SLC27A6: variants seen among roughly 807,000 people sequenced by gnomAD.
The protein encoded by SLC27A6 is solute carrier family 27 member 6.
SLC27A6 carries 74 observed loss-of-function variants against 63.9 expected under a neutral mutation model. The ratio of observed to expected loss-of-function variants is 1.16; its 90% CI spans 0.96 to 1.40. The LOEUF (loss-of-function observed/expected upper bound fraction) is 1.40, where lower values mean the gene tolerates loss of function less well. Among genes scored for constraint, SLC27A6 ranks in the 40% most tolerant of loss-of-function variants. SLC27A6 has a pLI of 0.00. For missense variants in SLC27A6, 794 were observed against 732.9 expected, an observed-to-expected ratio of 1.08 and a Z score of -0.96; for synonymous variants, 287 against 260.8, an observed-to-expected ratio of 1.10 and a Z score of -0.97.
intron 4 of SLC27A6, among the ~76,000 whole-genome samples, chr5:129,006,825 G>T (rs1416229264): frequency 6.6e-6 from 1 of 152,138 alleles, no homozygotes; most frequent in East Asian, 1.9e-4. Context: ...TTTTGTGTAT[G>T]TGTGCTTACT....
chr5:128,978,732 A>G (rs1750475955), intron 1 of SLC27A6, among the ~76,000 whole-genome samples: 1 of 152,244 alleles, frequency 6.6e-6, no homozygotes, highest in Non-Finnish European at 1.5e-5. Context: ...ATTTGAAGCT[A>G]CATGGAAATG....
intron 5 of SLC27A6, among the ~76,000 whole-genome samples, chr5:129,020,761 A>T (rs1408290475): frequency 6.6e-6 from 1 of 152,098 alleles, no homozygotes; most frequent in Non-Finnish European, 1.5e-5. Flanking sequence ...CAATTTCAGG[A>T]GTCCCAAAGA....
At chr5:129,014,204 T>G (rs1053920527) in intron 4 of SLC27A6, among the ~76,000 whole-genome samples, 6 of 152,170 alleles carry the variant, frequency 3.9e-5, no homozygotes, top group Non-Finnish European at 7.4e-5. Flanking sequence ...AATTACATAA[T>G]AGAGATGCAT....
At chr5:129,003,000 GT>G (rs1407010450) in intron 4 of SLC27A6, among the ~76,000 whole-genome samples, 1 of 152,096 alleles carries the variant, frequency 6.6e-6, no homozygotes, top group East Asian at 1.9e-4. Flanking sequence ...TTATTTCTAT[GT>G]GCACCCGAGT....
At chr5:128,989,983 T>C (rs1750921091) in intron 3 of SLC27A6, among the ~76,000 whole-genome samples, 1 of 151,770 alleles carries the variant, frequency 6.6e-6, no homozygotes, top group South Asian at 2.1e-4. Context: ...GAATAATATG[T>C]ATATATTCCA....
chr5:128,988,478 G>T, intron 2 of SLC27A6, 122 bp from the exon 3 acceptor site: 1 of 706,060 alleles, frequency 1.4e-6, no homozygotes, highest in Non-Finnish European at 2.3e-6. Context: ...TCAATTGCTA[G>T]TGTAGTTGTT....
intron 1 of SLC27A6, among the ~76,000 whole-genome samples, chr5:128,970,023 A>T (rs1329496005): frequency 6.6e-6 from 1 of 152,008 alleles, no homozygotes; most frequent in Non-Finnish European, 1.5e-5. Flanking sequence ...TGAGATAATC[A>T]TGTGGTTTTT....
At chr5:129,006,819 G>T (rs943304183) in intron 4 of SLC27A6, among the ~76,000 whole-genome samples, 3 of 152,054 alleles carry the variant, frequency 2.0e-5, no homozygotes, top group Admixed American at 2.0e-4. Context: ...AAAGTATTTT[G>T]TGTATGTGTG....
intron 4 of SLC27A6, among the ~76,000 whole-genome samples, chr5:129,014,200 A>G (rs1028307450): frequency 4.6e-5 from 7 of 152,230 alleles, no homozygotes; most frequent in Non-Finnish European, 8.8e-5. Flanking sequence ...TAAAAATTAC[A>G]TAATAGAGAT....
chr5:129,016,067 T>C lies in SLC27A6; in HGVS notation c.1152T>C (p.Asn384=), dbSNP rs1751881374. 2.5e-6 allele frequency: 4 copies of C among 1,591,192 alleles called. No homozygotes were observed. Among genetic ancestry groups the C allele is most frequent in the Non-Finnish European group, 3.4e-6 (4 of 1,173,230 alleles). The change falls in exon 5 of 10, where the codon AAT becomes AAC. Residue 384 remains asparagine (N), a synonymous_variant. Transcript: ENST00000262462. The part of the protein sequence containing the change: ...TGRIGAIGRT[N]LFYKLLSTFD... ...GAATTGGAGCAATTGGGAGAACAAA[T>C]TTGTTTTACAAAGTAAGTACAGCAT...
intron 1 of SLC27A6, among the ~76,000 whole-genome samples, chr5:128,977,250 G>C (rs763579979): frequency 9.2e-5 from 14 of 152,276 alleles, no homozygotes; most frequent in Admixed American, 1.3e-4. Flanking sequence ...TGAAAATTTA[G>C]CAGTGAACAA....
At chr5:128,970,694 C>T (rs200866791) in intron 1 of SLC27A6, among the ~76,000 whole-genome samples, 4 of 151,712 alleles carry the variant, frequency 2.6e-5, no homozygotes, top group East Asian at 1.9e-4. Context: ...TTTTGTTGAT[C>T]GTTTCAGAAA....
intron 9 of SLC27A6, among the ~76,000 whole-genome samples, chr5:129,032,815 G>T (rs1441923519): frequency 6.6e-6 from 1 of 151,836 alleles, no homozygotes. Context: ...TATTGGCATT[G>T]AATTGAAGAG....
At chr5:129,031,726 T>C (rs1752421455) in intron 9 of SLC27A6, among the ~76,000 whole-genome samples, 1 of 152,046 alleles carries the variant, frequency 6.6e-6, no homozygotes, top group African/African-American at 2.4e-5. Flanking sequence ...ATTTTCTAAG[T>C]TCAATTTTGA....
In SLC27A6 at chr5:128,966,239, G is replaced by T; in HGVS notation, c.102G>T (p.Val34=). Residue 34 remains valine (V), a synonymous_variant, in exon 1 of 10, where the codon GTG becomes GTT. Coordinates refer to ENST00000262462, the MANE Select transcript of SLC27A6 (RefSeq NM_001017372.3). ...ACTTTTGGGATGACTTCTGGTTCGT[G>T]TTGAAGGTGGTGCTCATTATAATTC... ...FPYFWDDFWF[V]LKVVLIIIRL... The T allele has an allele frequency of 6.2e-7, 1 of 1,613,600 alleles. No homozygotes were observed. The highest frequency in any genetic ancestry group is 1.1e-5 in the South Asian group (1 of 91,018).
chr5:128,967,243 C>G (rs922419603), intron 1 of SLC27A6, among the ~76,000 whole-genome samples: 2 of 152,136 alleles, frequency 1.3e-5, no homozygotes, highest in African/African-American at 2.4e-5. Flanking sequence ...TCCTCCTCCC[C>G]CTGCCTTGGA....
intron 4 of SLC27A6, among the ~76,000 whole-genome samples, chr5:128,993,634 G>T (rs1212246944): frequency 6.6e-6 from 1 of 151,880 alleles, no homozygotes; most frequent in Admixed American, 6.6e-5. Context: ...GGTATTAATA[G>T]TTTTTCATAT....
rs772814922 is a variant in SLC27A6 at position 129,029,564 on chromosome 5, A to G, written c.1553-13A>G. On this transcript the variant is annotated splice_polypyrimidine_tract_variant and intron_variant, in intron 8 of 9. Coordinates refer to ENST00000262462, the MANE Select transcript of SLC27A6 (RefSeq NM_001017372.3). ...GGTACTTAAAAATGACTCTATTTCAAACTTTTTTTCAGGTTATGAAGGAAG... is the reference window on the plus strand; with the variant it reads ...GGTACTTAAAAATGACTCTATTTCAGACTTTTTTTCAGGTTATGAAGGAAG... The G allele has an allele frequency of 1.3e-6, 2 of 1,547,410 alleles. No homozygotes were observed. The highest frequency in any genetic ancestry group is 8.7e-7 in the Non-Finnish European group (1 of 1,146,852).
intron 4 of SLC27A6, among the ~76,000 whole-genome samples, chr5:129,010,737 T>C (rs548235863): frequency 6.6e-6 from 1 of 151,914 alleles, no homozygotes; most frequent in South Asian, 2.1e-4. Flanking sequence ...AGCAGATACT[T>C]CCAAGAGTCT....
Sources: gnomAD v4.1 joint callset for allele counts (sites outside exome capture counted in the v4.1 genomes callset) on GRCh38, gnomAD v4.1.1 for gene constraint, MANE v1.5 for transcripts, NCBI Gene and HGNC (gene_info 2026-07-23, HGNC 2026-07-21) for gene names.